The following FRMD4B variants were observed in gnomAD, a reference collection of about 807,000 sequenced individuals.
The protein encoded by FRMD4B is FERM domain-containing protein 4B.
FRMD4B carries 74 observed loss-of-function variants against 141.5 expected under a neutral mutation model. The observed-to-expected ratio is 0.52, with a 90% CI of 0.43 to 0.63. FRMD4B has a LOEUF of 0.63. FRMD4B is among the 30% of genes least tolerant of loss of function. FRMD4B has a pLI of 0.00. For missense variants in FRMD4B, 1,366 were observed against 1,253.4 expected, an observed-to-expected ratio of 1.09 and a Z score of -1.36; for synonymous variants, 506 against 467.9, an observed-to-expected ratio of 1.08 and a Z score of -1.05.
intron 1 of FRMD4B, among the ~76,000 whole-genome samples, chr3:69,353,359 G>A (rs1703215570): frequency 6.6e-6 from 1 of 152,190 alleles, no homozygotes; most frequent in Non-Finnish European, 1.5e-5. Flanking sequence ...CAAGAGTGAA[G>A]ATAAACATTT....
chr3:69,506,714 G>T (rs112372075), intron 1 of FRMD4B, among the ~76,000 whole-genome samples: 2,811 of 150,588 alleles, frequency 0.019, 78 homozygotes, highest in African/African-American at 0.059. Context: ...TAATTTTTTT[G>T]GGGGGGGTGG....
At chr3:69,480,364 G>A (rs1386387667) in intron 1 of FRMD4B, among the ~76,000 whole-genome samples, 1 of 152,098 alleles carries the variant, frequency 6.6e-6, no homozygotes, top group Non-Finnish European at 1.5e-5. Flanking sequence ...TTTGAAGATG[G>A]TGATGTTCAG....
chr3:69,469,378 G>A (rs1705849669), intron 1 of FRMD4B, among the ~76,000 whole-genome samples: 1 of 152,116 alleles, frequency 6.6e-6, no homozygotes, highest in Non-Finnish European at 1.5e-5. Context: ...CAAAAGAAAT[G>A]TTCTTAAGTG....
At chr3:69,175,514 G>A (rs1362619353) in intron 22 of FRMD4B, among the ~76,000 whole-genome samples, 1 of 152,112 alleles carries the variant, frequency 6.6e-6, no homozygotes, top group Non-Finnish European at 1.5e-5. Context: ...AACAAACATA[G>A]GATCAGATAA....
At chr3:69,293,386 C>T (rs1700933674) in intron 4 of FRMD4B, among the ~76,000 whole-genome samples, 1 of 143,278 alleles carries the variant, frequency 7.0e-6, no homozygotes, top group African/African-American at 2.5e-5. Flanking sequence ...CTCTCAGTGC[C>T]TCTTACCTCT....
At chr3:69,413,091 C>T (rs555715346) in intron 2 of FRMD4B, among the ~76,000 whole-genome samples, 13 of 152,022 alleles carry the variant, frequency 8.6e-5, no homozygotes, top group South Asian at 6.2e-4. Flanking sequence ...ACTCTTGATA[C>T]GCAGCACAGT....
At chr3:69,332,294 G>C (rs1038560024) in intron 1 of FRMD4B, among the ~76,000 whole-genome samples, 1 of 152,144 alleles carries the variant, frequency 6.6e-6, no homozygotes, top group Non-Finnish European at 1.5e-5. Flanking sequence ...TGTCTGGAGT[G>C]CCTCAAATTT....
At chr3:69,200,016 G>A (rs73835785) in intron 11 of FRMD4B, among the ~76,000 whole-genome samples, 4,833 of 151,998 alleles carry the variant, frequency 0.032, 254 homozygotes, top group African/African-American at 0.1. Context: ...ATTAGACTTC[G>A]GCTGGATTTT....
chr3:69,348,427 C>A (rs1433302057), intron 1 of FRMD4B, among the ~76,000 whole-genome samples: 1 of 152,238 alleles, frequency 6.6e-6, no homozygotes, highest in Non-Finnish European at 1.5e-5. Context: ...TGGTACCATT[C>A]CTTCTGAAAC....
chr3:69,181,319 G>T lies in FRMD4B; in HGVS notation c.2431C>A (p.Pro811Thr), dbSNP rs1451299409. Residue 811 changes from proline to threonine, a missense_variant, in exon 21 of 23, where the codon CCC (proline) becomes ACC (threonine). Physicochemically the swap from Pro to Thr is conservative, Grantham distance 38 (BLOSUM62 -1). Transcript: ENST00000398540. Reference sequence around the variant, plus strand: ...TAATAAAAGTCACACTCTGCATAGGGTGTGTACCCGGCAATGTAGTAACTG... The same window carrying T: ...TAATAAAAGTCACACTCTGCATAGGTTGTGTACCCGGCAATGTAGTAACTG... ...SSSYYIAGYT[P>T]YAECDFYYSG... 6.2e-7 allele frequency: 1 copy of T among 1,613,890 alleles called. No individual in the cohort carries two copies. The highest frequency in any genetic ancestry group is 1.1e-5 in the South Asian group (1 of 91,082).
At chr3:69,408,493 T>A (rs1200060107) in intron 2 of FRMD4B, among the ~76,000 whole-genome samples, 4 of 152,104 alleles carry the variant, frequency 2.6e-5, no homozygotes, top group African/African-American at 9.7e-5. Flanking sequence ...CTTAATCCAA[T>A]AACCCACCAG....
chr3:69,464,883 G>C (rs1480758198), intron 1 of FRMD4B, among the ~76,000 whole-genome samples: 2 of 152,176 alleles, frequency 1.3e-5, no homozygotes, highest in Non-Finnish European at 2.9e-5. Context: ...GAGAAACTCT[G>C]CAGGTCAAAT....
At chr3:69,258,483 T>C (rs933280923) in intron 5 of FRMD4B, among the ~76,000 whole-genome samples, 25 of 152,182 alleles carry the variant, frequency 1.6e-4, no homozygotes, top group Admixed American at 1.4e-3. Flanking sequence ...TTTTGCTAGT[T>C]AAAAAAGTAT....
intron 5 of FRMD4B, 197 bp from the exon 6 acceptor site, chr3:69,250,296 T>TGTGA: frequency 3.4e-6 from 1 of 290,654 alleles, no homozygotes; most frequent in South Asian, 3.4e-5. Context: ...TGTGCGTGTG[T>TGTGA]GTGTGTGTGT....
intron 1 of FRMD4B, among the ~76,000 whole-genome samples, chr3:69,433,923 C>A (rs1282741891): frequency 6.6e-6 from 1 of 152,048 alleles, no homozygotes; most frequent in Non-Finnish European, 1.5e-5. Context: ...AGTCTAAGCC[C>A]CCACTTTACA....
intron 4 of FRMD4B, among the ~76,000 whole-genome samples, chr3:69,294,441 A>G (rs1158198080): frequency 6.6e-6 from 1 of 152,238 alleles, no homozygotes; most frequent in Non-Finnish European, 1.5e-5. Context: ...ATGGGAGTCC[A>G]ATATGTTCCC....
chr3:69,241,306 C>G (rs1457694859), intron 7 of FRMD4B, among the ~76,000 whole-genome samples: 2 of 152,148 alleles, frequency 1.3e-5, no homozygotes, highest in Non-Finnish European at 2.9e-5. Context: ...TGTGGTCCAG[C>G]AAGAGGCTGA....
rs150743530 is a variant in FRMD4B, at chr3:69,193,651, G to A, written c.1711C>T (p.Pro571Ser). The change falls in exon 17 of 23, where the codon CCA (proline) becomes TCA (serine). Residue 571 changes from proline to serine, a missense_variant. Coordinates refer to ENST00000398540, the MANE Select transcript of FRMD4B (RefSeq NM_015123.3). Reference sequence around the variant, plus strand: ...AAAAACCTTACTTATTACTAACCTGGTAACACTGTTGCTTTCTGGCTGGGT... The same window carrying A: ...AAAAACCTTACTTATTACTAACCTGATAACACTGTTGCTTTCTGGCTGGGT... ...KKPSQKATVLPEDIIPSESSS... is the reference protein window; with the variant it reads ...KKPSQKATVLSEDIIPSESSS... 818 of 1,593,752 alleles carry A rather than the reference G, an allele frequency of 5.1e-4. 4 individuals carry two copies. In the African/African-American group the frequency reaches 9.8e-3, roughly 19 times the overall value.
rs568101878 is a variant in FRMD4B at position 69,391,639 on chromosome 3, T to C, written c.-1+40995A>G. On this transcript the variant is annotated intron_variant, in intron 2 of 5. Coordinates refer to the FRMD4B transcript ENST00000459638. Reference sequence around the variant, plus strand: ...ACACTAAACCCAGGTGGAATGCTGATGCCTCCTTTGGGCCATGCACTGTTA... The same window carrying C: ...ACACTAAACCCAGGTGGAATGCTGACGCCTCCTTTGGGCCATGCACTGTTA... Among the ~76,000 whole-genome samples, 10 of 152,350 alleles carry C rather than the reference T, an allele frequency of 6.6e-5. No homozygotes were observed. The South Asian group carries it at 1.9e-3, about 28-fold the overall frequency.
Sources: allele counts gnomAD v4.1 joint callset (sites outside exome capture counted in the v4.1 genomes callset), GRCh38; gene constraint gnomAD v4.1.1; transcripts MANE v1.5; gene names NCBI Gene and HGNC (gene_info 2026-07-23, HGNC 2026-07-21).